USP6NL: variants seen among roughly 807,000 people sequenced by gnomAD.
USP6NL encodes USP6 N-terminal like, also known as USP6 N-terminal-like protein.
In USP6NL, 26 loss-of-function variants were observed where a neutral mutation model predicts 61.9. The observed-to-expected ratio is 0.42, with a 90% confidence interval of 0.31 to 0.58. The LOEUF (loss-of-function observed/expected upper bound fraction) is 0.58. Ranked by LOEUF, USP6NL falls within the 20% of genes least tolerant of loss-of-function variation. The pLI, the probability that USP6NL is intolerant of heterozygous loss-of-function variation, is 0.16. For missense variants in USP6NL, 1,114 were observed against 1,034.3 expected (o/e 1.08, Z -1.06); for synonymous variants, 432 against 390.1 (o/e 1.11, Z -1.27).
intron 2 of USP6NL, among the ~76,000 whole-genome samples, chr10:11,551,203 A>G (rs11257163): frequency 0.11 from 17,250 of 152,230 alleles, 1,292 homozygotes; most frequent in East Asian, 0.16. Context: ...CCAAAACTAG[A>G]AACAACCTAA....
chr10:11,579,954 G>A (rs1007887838), intron 2 of USP6NL, among the ~76,000 whole-genome samples: 2 of 146,282 alleles, frequency 1.4e-5, no homozygotes, highest in East Asian at 2.2e-4. Context: ...AACCACCAGT[G>A]GAGAGTGGCG....
At chr10:11,538,228 A>T (rs989205613) in intron 2 of USP6NL, among the ~76,000 whole-genome samples, 1 of 152,232 alleles carries the variant, frequency 6.6e-6, no homozygotes, top group Non-Finnish European at 1.5e-5. Flanking sequence ...AGATTTTATT[A>T]TAACAGAGAA....
chr10:11,553,790 C>T lies in USP6NL; in HGVS notation c.5-26223G>A, dbSNP rs920401987. 6.6e-6 allele frequency among the ~76,000 whole-genome samples: 1 copy of T among 151,248 alleles called. No homozygotes were observed. The highest frequency in any genetic ancestry group is 2.4e-5 in the African/African-American group (1 of 41,086). On this transcript the variant is annotated intron_variant, in intron 2 of 14. Transcript: ENST00000609104. This position sits in a 1 kb window ranked among gnomAD's most constrained non-coding sequence, Gnocchi z 4.8. ...GGGCGCCTGTAATCCCAACTACTCG[C>T]GAGGCTCAGGCAAGAGAACTGCTTG...
chr10:11,524,275 T>C (rs951745858), intron 4 of USP6NL, among the ~76,000 whole-genome samples: 25 of 152,334 alleles, frequency 1.6e-4, no homozygotes, highest in African/African-American at 5.8e-4. Context: ...AGATAGCTAA[T>C]GTCATTAGGT....
rs1301451267 is a variant in USP6NL at position 11,595,109 on chromosome 10, T to C, written c.4+2522A>G. Among the ~76,000 whole-genome samples the C allele has an allele frequency of 9.9e-5, 15 of 152,170 alleles. No homozygotes were observed. The highest frequency in any genetic ancestry group is 1.6e-4 in the Non-Finnish European group (11 of 68,042). On this transcript the variant is annotated intron_variant, in intron 2 of 14. Transcript: ENST00000609104. The surrounding 1 kb of genome is among the most constrained non-coding windows in gnomAD (Gnocchi z 5.3). ...GTAAGGCGTTAAGTCCCCGATGGCA[T>C]TGTTCTTTCTCTGTAGCTTCCCCTT...
At position 11,478,724 on chromosome 10, in the gene USP6NL, G is replaced by A. The variant is rs1833068835; in HGVS notation, c.1078+3046C>T. 1.3e-5 allele frequency among the ~76,000 whole-genome samples: 2 copies of A among 152,062 alleles called. No individual in the cohort carries two copies. Among genetic ancestry groups the A allele is most frequent in the African/African-American group, 4.8e-5 (2 of 41,390 alleles). ...GTCTGAGACCAGCCTGGGCAACATG[G>A]CAGAACCCTGCCTCTACAAAAAATA... On this transcript the variant is annotated intron_variant, in intron 14 of 14. Transcript: ENST00000609104. The surrounding 1 kb of genome is among the most constrained non-coding windows in gnomAD (Gnocchi z 6.8).
chr10:11,608,789 CA>C (rs1394213417), intron 1 of USP6NL, among the ~76,000 whole-genome samples: 3 of 152,196 alleles, frequency 2.0e-5, no homozygotes, highest in Non-Finnish European at 4.4e-5. Flanking sequence ...CCCAATTTTA[CA>C]AAGAAATGAG....
At position 11,465,499 on chromosome 10, in the gene USP6NL, G is replaced by C. The variant is rs1197080214; in HGVS notation, c.1079-1650C>G. On this transcript the variant is annotated intron_variant, in intron 14 of 14. Coordinates refer to ENST00000609104, the MANE Select transcript of USP6NL (RefSeq NM_014688.5). The surrounding 1 kb of genome is among the most constrained non-coding windows in gnomAD (Gnocchi z 4.5). ...CCTGCAGAGAGCCACCAACTTTTTA[G>C]CTCACATGAAATAATTTAAAATGTC... Among the ~76,000 whole-genome samples, 1 of 152,078 alleles carries C rather than the reference G, an allele frequency of 6.6e-6. No individual in the cohort carries two copies. Among genetic ancestry groups the C allele is most frequent in the Admixed American group, 6.5e-5 (1 of 15,274 alleles).
intron 2 of USP6NL, among the ~76,000 whole-genome samples, chr10:11,558,873 A>G (rs1290955021): frequency 2.0e-5 from 3 of 152,142 alleles, no homozygotes; most frequent in Admixed American, 2.0e-4. Flanking sequence ...ACAACTAACC[A>G]TAGTTTACTT....
At chr10:11,566,048 C>T (rs1837139939) in intron 2 of USP6NL, among the ~76,000 whole-genome samples, 1 of 152,040 alleles carries the variant, frequency 6.6e-6, no homozygotes, top group Non-Finnish European at 1.5e-5. Context: ...ATATTTTTAA[C>T]AACAAAGGCA....
In USP6NL at chr10:11,540,041, G is replaced by T. The variant is rs887552979; in HGVS notation, c.5-12474C>A. Among the ~76,000 whole-genome samples the T allele has an allele frequency of 6.6e-6, 1 of 152,210 alleles. No homozygotes were observed. On this transcript the variant is annotated intron_variant, in intron 2 of 14. Coordinates refer to ENST00000609104, the MANE Select transcript of USP6NL (RefSeq NM_014688.5). The surrounding 1 kb of genome is among the most constrained non-coding windows in gnomAD (Gnocchi z 5.0). Reference sequence around the variant, plus strand: ...AACCATCAAGTGCTTTTGTTGAAGTGTAAGTATTAATAGTTGATCTTATAC... The same window carrying T: ...AACCATCAAGTGCTTTTGTTGAAGTTTAAGTATTAATAGTTGATCTTATAC...
intron 1 of USP6NL, among the ~76,000 whole-genome samples, chr10:11,607,426 G>T (rs1302184938): frequency 6.6e-6 from 1 of 152,142 alleles, no homozygotes; most frequent in Non-Finnish European, 1.5e-5. Flanking sequence ...GCTCACAACT[G>T]CAATCCCAGC....
chr10:11,532,259 C>A lies in USP6NL; in HGVS notation c.5-4692G>T. ...GAGTAACTTATCTATTCCAAGATTT[C>A]ATTATTATTTTATAGTTCTCGAACA... On this transcript the variant is annotated intron_variant, in intron 2 of 14. Transcript: ENST00000609104. The surrounding 1 kb of genome is among the most constrained non-coding windows in gnomAD (Gnocchi z 4.1). 6.3e-7 allele frequency: 1 copy of A among 1,577,330 alleles called. No homozygotes were observed. The highest frequency in any genetic ancestry group is 8.6e-7 in the Non-Finnish European group (1 of 1,161,418).
chr10:11,524,911 T>C (rs1455272757), intron 4 of USP6NL, among the ~76,000 whole-genome samples: 2 of 152,186 alleles, frequency 1.3e-5, no homozygotes, highest in African/African-American at 4.8e-5. Flanking sequence ...TCTCTTTATA[T>C]AACATATTCA....
rs757419705 is a variant in USP6NL at position 11,468,669 on chromosome 10, C to T, written c.1079-4820G>A. 1.3e-5 allele frequency among the ~76,000 whole-genome samples: 2 copies of T among 152,308 alleles called. No homozygotes were observed. Among genetic ancestry groups the T allele is most frequent in the East Asian group, 1.9e-4 (1 of 5,184 alleles). On this transcript the variant is annotated intron_variant, in intron 14 of 14. Coordinates refer to ENST00000609104, the MANE Select transcript of USP6NL (RefSeq NM_014688.5). This position sits in a 1 kb window ranked among gnomAD's most constrained non-coding sequence, Gnocchi z 4.5. Reference sequence around the variant, plus strand: ...GAGGGGAGGAGGTGTGGGAAAAATGCGGAACACCTTTGAGGAAAATGTTGC... The same window carrying T: ...GAGGGGAGGAGGTGTGGGAAAAATGTGGAACACCTTTGAGGAAAATGTTGC...
At chr10:11,526,668 C>T (rs1817969431) in intron 3 of USP6NL, among the ~76,000 whole-genome samples, 1 of 152,186 alleles carries the variant, frequency 6.6e-6, no homozygotes, top group Non-Finnish European at 1.5e-5. Flanking sequence ...ATGATTTAAT[C>T]TCCTGTTATC....
intron 2 of USP6NL, among the ~76,000 whole-genome samples, chr10:11,542,644 G>A (rs1836113167): frequency 1.3e-5 from 2 of 152,076 alleles, no homozygotes; most frequent in Non-Finnish European, 2.9e-5. Flanking sequence ...GCCTGAACCC[G>A]GGAGACAGAG....
rs1834064498 is a variant in USP6NL, at chr10:11,499,040, AG to A, written c.384+2060del. Among the ~76,000 whole-genome samples, 1 of 152,202 alleles carries A rather than the reference AG, an allele frequency of 6.6e-6. No homozygotes were observed. The highest frequency in any genetic ancestry group is 6.5e-5 in the Admixed American group (1 of 15,286). On this transcript the variant is annotated intron_variant, in intron 7 of 14. Coordinates refer to ENST00000609104, the MANE Select transcript of USP6NL (RefSeq NM_014688.5). The surrounding 1 kb of genome is among the most constrained non-coding windows in gnomAD (Gnocchi z 4.5). ...GACAAGAAAGGACAAACAGGCCACC[AG>A]GGGAACTTGAAGGACTGAATGCTGA...
intron 6 of USP6NL, among the ~76,000 whole-genome samples, chr10:11,504,055 G>T (rs556896823): frequency 2.0e-5 from 3 of 152,042 alleles, no homozygotes; most frequent in Non-Finnish European, 4.4e-5. Context: ...ATATAAAAAC[G>T]ATGTCTTTGG....
Sources: gnomAD v4.1 joint callset for allele counts (sites outside exome capture counted in the v4.1 genomes callset) on GRCh38, gnomAD v4.1.1 for gene constraint, Gnocchi (gnomAD v3.1) non-coding constraint, MANE v1.5 for transcripts, NCBI Gene and HGNC (gene_info 2026-07-23, HGNC 2026-07-21) for gene names.